NECTIN3: variants seen among roughly 807,000 people sequenced by gnomAD.
NECTIN3 encodes the protein nectin cell adhesion molecule 3.
Under a neutral mutation model 49.4 loss-of-function variants are expected in NECTIN3, and 8 were observed. The observed-to-expected ratio is 0.16, with a 90% CI of 0.10 to 0.29. The LOEUF (loss-of-function observed/expected upper bound fraction) is 0.29, where lower values mean the gene tolerates loss of function less well. Ranked by LOEUF, NECTIN3 falls within the 10% of genes least tolerant of loss-of-function variation. The pLI is 1.00. For missense variants in NECTIN3, 581 were observed against 654.6 expected, an observed-to-expected ratio of 0.89 and a Z score of 1.23; for synonymous variants, 277 against 241.1, an observed-to-expected ratio of 1.15 and a Z score of -1.38.
chr3:111,137,618 AGTGT>A (rs538927779), downstream of NECTIN3: 979 of 482,722 alleles, frequency 2.0e-3, 9 homozygotes, highest in African/African-American at 0.02. Flanking sequence ...TATTTACTAA[AGTGT>A]GTGTGTATGT....
At position 111,171,366 on chromosome 3, in the gene NECTIN3, T is replaced by G. The variant is rs145163148; in HGVS notation, c.1222-20985T>G. ...GAAATCCTTTCACCTCAACTCTGTT[T>G]CCTCATGTAAAAGGAGGGCATTTGT... On this transcript the variant is annotated intron_variant, in intron 7 of 8. Transcript: ENST00000493615. Among the ~76,000 whole-genome samples the G allele has an allele frequency of 2.6e-5, 4 of 152,320 alleles. No individual in the cohort carries two copies. The East Asian group carries it at 7.7e-4, about 29-fold the overall frequency.
intron 3 of NECTIN3, among the ~76,000 whole-genome samples, chr3:111,120,959 C>T (rs1333557433): frequency 6.7e-6 from 1 of 149,908 alleles, no homozygotes; most frequent in African/African-American, 2.4e-5. Flanking sequence ...TATATAAAGT[C>T]TGTGTGTATA....
intron 7 of NECTIN3, chr3:111,147,504 C>T: frequency 6.9e-7 from 1 of 1,456,166 alleles, no homozygotes; most frequent in Non-Finnish European, 9.3e-7. Context: ...CATGAGTACA[C>T]TTAAGATAAT....
chr3:111,178,267 A>G (rs1052163165), intron 7 of NECTIN3, among the ~76,000 whole-genome samples: 1 of 152,218 alleles, frequency 6.6e-6, no homozygotes, highest in Admixed American at 6.5e-5. Context: ...ACCTCATGAT[A>G]GCAGCCTGTA....
At position 111,134,135 on chromosome 3, in the gene NECTIN3, G is replaced by A; in HGVS notation, c.1570G>A (p.Glu524Lys). The A allele has an allele frequency of 3.1e-6, 5 of 1,612,940 alleles. No individual in the cohort carries two copies. Among genetic ancestry groups the A allele is most frequent in the Non-Finnish European group, 4.2e-6 (5 of 1,179,412 alleles). Residue 524 changes from glutamate to lysine, a missense_variant, in exon 6 of 6, where the codon GAA becomes AAA. Glu to Lys is a moderately conservative substitution (Grantham distance 56, BLOSUM62 1). Coordinates refer to ENST00000485303, the MANE Select transcript of NECTIN3 (RefSeq NM_015480.3). ...AATGGGAATGAAGTTTGTCAGTGAT[G>A]AACATTATGATGAAAACGAAGATGA... is the stretch of plus-strand genomic sequence containing the variant. ...LKMGMKFVSD[E>K]HYDENEDDLV...
At chr3:111,148,271 GT>G (rs1473519265) in intron 7 of NECTIN3, among the ~76,000 whole-genome samples, 1 of 152,162 alleles carries the variant, frequency 6.6e-6, no homozygotes, top group Non-Finnish European at 1.5e-5. Context: ...CTAAAGGAAT[GT>G]TTCTGCCAAG....
intron 1 of NECTIN3, among the ~76,000 whole-genome samples, chr3:111,108,106 A>G (rs1280304440): frequency 2.0e-5 from 3 of 152,202 alleles, no homozygotes; most frequent in African/African-American, 7.2e-5. Flanking sequence ...ATTAGAAAGT[A>G]AAAATCACTT....
chr3:111,135,819 T>A lies in NECTIN3; in HGVS notation c.*1604T>A. ...TCTGAAGGATTATAAACTAGTTTTCTTCATTTTAACTAGCACTATTTTGTG... is the reference window on the plus strand; with the variant it reads ...TCTGAAGGATTATAAACTAGTTTTCATCATTTTAACTAGCACTATTTTGTG... On this transcript the variant is annotated 3_prime_UTR_variant, in exon 6 of 6. Transcript: ENST00000485303. 1.1e-6 allele frequency: 1 copy of A among 934,866 alleles called. No homozygotes were observed. The highest frequency in any genetic ancestry group is 1.3e-6 in the Non-Finnish European group (1 of 784,300). 57.9% of individuals were successfully genotyped at this position (934,866 alleles called of 1,614,324 possible).
intron 7 of NECTIN3, among the ~76,000 whole-genome samples, chr3:111,180,485 A>C (rs1377002121): frequency 6.6e-6 from 1 of 152,218 alleles, no homozygotes; most frequent in African/African-American, 2.4e-5. Flanking sequence ...TACAATCTTT[A>C]TAGTTGCTGA....
At chr3:111,174,746 GC>G (rs999457721) in intron 7 of NECTIN3, among the ~76,000 whole-genome samples, 3 of 151,046 alleles carry the variant, frequency 2.0e-5, no homozygotes, top group Non-Finnish European at 4.4e-5. Flanking sequence ...GGTGGGGCGA[GC>G]ATGCAGACAG....
chr3:111,088,657 A>G (rs1310316960), intron 1 of NECTIN3, among the ~76,000 whole-genome samples: 1 of 152,172 alleles, frequency 6.6e-6, no homozygotes, highest in Non-Finnish European at 1.5e-5. Context: ...AAAACATTAA[A>G]CCATTATTGT....
chr3:111,123,931 TTC>T (rs2034057087), intron 4 of NECTIN3, among the ~76,000 whole-genome samples: 1 of 152,162 alleles, frequency 6.6e-6, no homozygotes, highest in African/African-American at 2.4e-5. Context: ...TAAATCTATT[TTC>T]TGTCTTCTAA....
At chr3:111,181,402 T>G (rs1465346395) in intron 7 of NECTIN3, among the ~76,000 whole-genome samples, 3 of 152,124 alleles carry the variant, frequency 2.0e-5, no homozygotes, top group Non-Finnish European at 2.9e-5. Context: ...TGGGATGTTG[T>G]GAAGAAAAAA....
intron 1 of NECTIN3, among the ~76,000 whole-genome samples, chr3:111,104,569 T>C (rs2033083538): frequency 6.6e-6 from 1 of 151,968 alleles, no homozygotes; most frequent in Admixed American, 6.6e-5. Flanking sequence ...GTCCTCCTGC[T>C]ATAGCTTCCC....
At chr3:111,172,704 A>G (rs2107527451) in intron 7 of NECTIN3, among the ~76,000 whole-genome samples, 1 of 152,310 alleles carries the variant, frequency 6.6e-6, no homozygotes, top group East Asian at 1.9e-4. Flanking sequence ...ACAAATTGTT[A>G]TCAGGTGAAT....
chr3:111,142,684 A>G (rs2034777427), intron 5 of NECTIN3, among the ~76,000 whole-genome samples: 2 of 151,862 alleles, frequency 1.3e-5, no homozygotes, highest in African/African-American at 4.8e-5. Flanking sequence ...TTGAAGTTAA[A>G]GGCTTTCTTA....
intron 6 of NECTIN3, chr3:111,145,070 A>G (rs1382552056): frequency 5.3e-6 from 8 of 1,515,870 alleles, no homozygotes; most frequent in Middle Eastern, 1.7e-4. Flanking sequence ...TTCAACTATG[A>G]ATATCAGTAT....
In NECTIN3 at chr3:111,134,771, A is replaced by G. The variant is rs2034520014; in HGVS notation, c.*556A>G. 2 of 971,204 alleles carry G rather than the reference A, an allele frequency of 2.1e-6. No individual in the cohort carries two copies. The highest frequency in any genetic ancestry group is 1.8e-5 in the African/African-American group (1 of 56,968). The allele number at this position is 971,204 out of a possible 1,614,324, so 60.2% of individuals were successfully genotyped here. On this transcript the variant is annotated 3_prime_UTR_variant, in exon 6 of 6. Coordinates refer to ENST00000485303, the MANE Select transcript of NECTIN3 (RefSeq NM_015480.3). ...CATTATTTTCTAAGTTTCTATACAA[A>G]TGAAATCTTTACCTCTGCATATTAA...
chr3:111,194,125 G>T (rs1037187029), intron 1 of NECTIN3, among the ~76,000 whole-genome samples: 1 of 152,132 alleles, frequency 6.6e-6, no homozygotes, highest in African/African-American at 2.4e-5. Flanking sequence ...TTACTAGCTA[G>T]ATTAGCCTAT....
Sources: allele counts gnomAD v4.1 joint callset (sites outside exome capture counted in the v4.1 genomes callset), GRCh38; gene constraint gnomAD v4.1.1; transcripts MANE v1.5; gene names NCBI Gene and HGNC (gene_info 2026-07-23, HGNC 2026-07-21).